Variants in CCDC7 observed in about 807,000 individuals in gnomAD.
CCDC7 encodes coiled-coil domain containing 7, also known as coiled-coil domain-containing protein 7.
Under a neutral mutation model 196.9 loss-of-function variants are expected in CCDC7, and 183 were observed. The ratio of observed to expected loss-of-function variants is 0.93; its 90% CI spans 0.82 to 1.05. CCDC7 has a LOEUF of 1.05. Among genes scored for constraint, CCDC7 ranks in the 50% least tolerant of loss-of-function variants. CCDC7 has a pLI of 0.00. For synonymous variants in CCDC7, 525 were observed against 484.6 expected, an observed-to-expected ratio of 1.08 and a Z score of -1.10; for missense variants, 1,540 against 1,482.2, an observed-to-expected ratio of 1.04 and a Z score of -0.64.
chr10:32,704,545 G>A (rs2079361190), intron 24 of CCDC7, among the ~76,000 whole-genome samples: 1 of 152,142 alleles, frequency 6.6e-6, no homozygotes, highest in Admixed American at 6.5e-5. Flanking sequence ...TTGTCAGACA[G>A]GGACATTTAA....
chr10:32,739,837 TAAA>T (rs2085514995), intron 28 of CCDC7, among the ~76,000 whole-genome samples: 1 of 149,212 alleles, frequency 6.7e-6, no homozygotes, highest in Non-Finnish European at 1.5e-5. Flanking sequence ...TAAAATTTTC[TAAA>T]ATATTGTCAT....
In CCDC7 at chr10:32,454,499, G is replaced by A. The variant is rs147867878; in HGVS notation, c.372+1063G>A. 7.1e-3 allele frequency among the ~76,000 whole-genome samples: 1,078 copies of A among 151,768 alleles called. 14 individuals carry two copies. Among genetic ancestry groups the A allele is most frequent in the African/African-American group, 0.025 (1,024 of 41,330 alleles). On this transcript the variant is annotated intron_variant, in intron 2 of 41. Coordinates refer to ENST00000639629, the Ensembl canonical transcript of CCDC7. ...CAGTACTTGGGTGACGGGATCATTG[G>A]TACCCCAAACCTCAGCATCACGCAG...
At chr10:32,783,166 A>G (rs2081314277) in intron 29 of CCDC7, among the ~76,000 whole-genome samples, 1 of 152,188 alleles carries the variant, frequency 6.6e-6, no homozygotes, top group South Asian at 2.1e-4. Context: ...GGTAAGTTGG[A>G]CTTCATCAAA....
At chr10:32,539,965 T>G (rs1313145803) in intron 11 of CCDC7, among the ~76,000 whole-genome samples, 1 of 152,208 alleles carries the variant, frequency 6.6e-6, no homozygotes, top group Non-Finnish European at 1.5e-5. Flanking sequence ...TATGTCGTGA[T>G]GAGAAGAATG....
chr10:32,648,774 A>AT (rs1001513302), intron 20 of CCDC7, among the ~76,000 whole-genome samples: 7 of 151,852 alleles, frequency 4.6e-5, no homozygotes, highest in African/African-American at 1.5e-4. Flanking sequence ...GAGATACTGA[A>AT]TTTTTTTTCA....
intron 18 of CCDC7, among the ~76,000 whole-genome samples, chr10:32,632,888 A>G (rs11009005): frequency 0.14 from 21,101 of 152,190 alleles, 1,775 homozygotes; most frequent in East Asian, 0.25. Flanking sequence ...TTCCAAGTAT[A>G]TTTTAGAGCA....
intron 18 of CCDC7, among the ~76,000 whole-genome samples, chr10:32,586,889 G>A (rs893545920): frequency 2.6e-5 from 4 of 152,106 alleles, no homozygotes; most frequent in African/African-American, 7.2e-5. Flanking sequence ...CTGTGGTGGA[G>A]GATACAGGAG....
intron 41 of CCDC7, among the ~76,000 whole-genome samples, chr10:32,860,639 T>C (rs1269931969): frequency 6.6e-6 from 1 of 152,218 alleles, no homozygotes; most frequent in Admixed American, 6.5e-5. Flanking sequence ...TGTTTGCAGA[T>C]GACATGATTG....
At chr10:32,670,077 C>T (rs2073750785) in intron 21 of CCDC7, among the ~76,000 whole-genome samples, 1 of 152,106 alleles carries the variant, frequency 6.6e-6, no homozygotes, top group Non-Finnish European at 1.5e-5. Context: ...GGGGTCGGGA[C>T]ATGTCCTTTC....
At chr10:32,803,598 C>G (rs1354289097) in intron 29 of CCDC7, among the ~76,000 whole-genome samples, 1 of 152,054 alleles carries the variant, frequency 6.6e-6, no homozygotes, top group Non-Finnish European at 1.5e-5. Flanking sequence ...TTTTTCGATT[C>G]ATTCACTGTC....
intron 13 of CCDC7, among the ~76,000 whole-genome samples, chr10:32,548,224 C>G (rs1350983413): frequency 6.6e-6 from 1 of 152,104 alleles, no homozygotes; most frequent in African/African-American, 2.4e-5. Flanking sequence ...TGTTATTCCC[C>G]TATTGGCTAG....
chr10:32,725,812 A>C (rs1380406935), intron 25 of CCDC7, among the ~76,000 whole-genome samples: 1 of 149,242 alleles, frequency 6.7e-6, no homozygotes, highest in Non-Finnish European at 1.5e-5. Flanking sequence ...TTCATGAAGG[A>C]TCTGCCCCCA....
At chr10:32,595,184 T>G (rs1226031336) in intron 18 of CCDC7, among the ~76,000 whole-genome samples, 1 of 152,182 alleles carries the variant, frequency 6.6e-6, no homozygotes, top group Non-Finnish European at 1.5e-5. Flanking sequence ...GGTCCTGGAC[T>G]TTTTTGGTTG....
At position 32,633,696 on chromosome 10, in the gene CCDC7, A is replaced by ATATATATGTGTGTGTG. The variant is rs779341941; in HGVS notation, c.1802-557_1802-556insATATATGTGTGTGTGT. ...TTTAGCTTTGTGTATATATATATAT[A>ATATATATGTGTGTGTG]TGTGTGTGTGTGTGTGTGTGTGTGT... On this transcript the variant is annotated intron_variant, in intron 18 of 41. Transcript: ENST00000639629. Among the ~76,000 whole-genome samples the ATATATATGTGTGTGTG allele has an allele frequency of 4.6e-3, 615 of 135,080 alleles. 5 individuals carry two copies. Among genetic ancestry groups the ATATATATGTGTGTGTG allele is most frequent in the South Asian group, 0.011 (39 of 3,648 alleles). 88.6% of individuals were successfully genotyped at this position (135,080 alleles called of 152,430 possible).
At chr10:32,844,265 A>G (rs1397907815) in intron 33 of CCDC7, among the ~76,000 whole-genome samples, 3 of 151,982 alleles carry the variant, frequency 2.0e-5, no homozygotes, top group Non-Finnish European at 4.4e-5. Flanking sequence ...GTGGAAAGGA[A>G]TGCAATCTCA....
intron 21 of CCDC7, among the ~76,000 whole-genome samples, chr10:32,681,624 A>C (rs2141036091): frequency 6.6e-6 from 1 of 152,080 alleles, no homozygotes; most frequent in East Asian, 1.9e-4. Context: ...TTGTGTTGGG[A>C]ATCTCTATGA....
intron 9 of CCDC7, among the ~76,000 whole-genome samples, chr10:32,510,583 G>A (rs1248337737): frequency 6.6e-6 from 1 of 151,982 alleles, no homozygotes; most frequent in Non-Finnish European, 1.5e-5. Flanking sequence ...CAATTCATTG[G>A]GATAGATACA....
chr10:32,709,382 A>G (rs762547276), intron 24 of CCDC7, among the ~76,000 whole-genome samples: 10 of 151,960 alleles, frequency 6.6e-5, no homozygotes, highest in South Asian at 6.3e-4. Context: ...TGACAAGTCA[A>G]TTGGTGCAGC....
At chr10:32,446,212 C>T (rs1329221263) in exon 1 of CCDC7, 1 of 152,182 alleles carries the variant, frequency 6.6e-6, no homozygotes, top group Non-Finnish European at 1.5e-5. Context: ...GAGGCCGGGC[C>T]TTTTCTTTCA....
Sources: allele counts gnomAD v4.1 joint callset (sites outside exome capture counted in the v4.1 genomes callset), GRCh38; gene constraint gnomAD v4.1.1; transcripts MANE v1.5; gene names NCBI Gene and HGNC (gene_info 2026-07-23, HGNC 2026-07-21).